The following ATP10B variants were observed in gnomAD, a reference collection of about 807,000 sequenced individuals.
The protein encoded by ATP10B is ATPase phospholipid transporting 10B (putative).
In ATP10B, 122 loss-of-function variants were observed where a neutral mutation model predicts 141.2. That is an observed-to-expected ratio of 0.86 (90% confidence interval 0.75 to 1.00). The LOEUF is 1.00. Ranked by LOEUF, ATP10B falls within the 50% of genes least tolerant of loss-of-function variation. The pLI is 0.00. For missense variants in ATP10B, 1,876 were observed against 1,825.3 expected, an observed-to-expected ratio of 1.03 and a Z score of -0.51; for synonymous variants, 685 against 692.0, an observed-to-expected ratio of 0.99 and a Z score of 0.16.
At chr5:160,726,180 G>A (rs571233775) in intron 2 of ATP10B, among the ~76,000 whole-genome samples, 5 of 152,122 alleles carry the variant, frequency 3.3e-5, no homozygotes, top group South Asian at 4.2e-4. Context: ...TGTCACTCTG[G>A]GGTGCTTTAG....
intron 18 of ATP10B, among the ~76,000 whole-genome samples, chr5:160,610,742 T>A (rs1306466555): frequency 6.6e-6 from 1 of 152,224 alleles, no homozygotes; most frequent in Non-Finnish European, 1.5e-5. Flanking sequence ...TTGTTAATTA[T>A]TAACAATATT....
intron 1 of ATP10B, among the ~76,000 whole-genome samples, chr5:160,846,930 T>C (rs1776159914): frequency 6.6e-6 from 1 of 152,184 alleles, no homozygotes; most frequent in South Asian, 2.1e-4. Context: ...TTATTGAGGC[T>C]TAAATGATCC....
chr5:160,634,523 C>T lies in ATP10B; in HGVS notation c.1212G>A (p.Leu404=). The T allele has an allele frequency of 1.2e-6, 2 of 1,614,170 alleles. No homozygotes were observed. The highest frequency in any genetic ancestry group is 1.7e-6 in the Non-Finnish European group (2 of 1,180,022). Residue 404 remains leucine (L), a synonymous_variant, in exon 12 of 26, where the codon CTG becomes CTA. Transcript: ENST00000327245. The part of the protein sequence containing the change: ...QVFFLSNDLD[L]YDEETDLSIQ... ...TGGATAAATCGGTCTCTTCATCATA[C>T]AGGTCAAGGTCATTGCTCAAGAAGA...
At chr5:160,576,741 T>C (rs1755215256) in intron 24 of ATP10B, among the ~76,000 whole-genome samples, 1 of 151,936 alleles carries the variant, frequency 6.6e-6, no homozygotes, top group African/African-American at 2.4e-5. Context: ...AAGAATAGGG[T>C]ATTTGAGAAC....
intron 22 of ATP10B, among the ~76,000 whole-genome samples, chr5:160,594,210 C>T (rs1756521447): frequency 6.6e-6 from 1 of 152,182 alleles, no homozygotes; most frequent in African/African-American, 2.4e-5. Flanking sequence ...CTCCACAAGC[C>T]AGAAGAGAGT....
intron 1 of ATP10B, among the ~76,000 whole-genome samples, chr5:160,812,813 T>G (rs934248958): frequency 1.3e-5 from 2 of 152,150 alleles, no homozygotes; most frequent in African/African-American, 4.8e-5. Context: ...TTAAAAGTGA[T>G]AGAGGAAGAG....
chr5:160,824,354 G>A (rs148129390), intron 1 of ATP10B, among the ~76,000 whole-genome samples: 27 of 152,260 alleles, frequency 1.8e-4, no homozygotes, highest in African/African-American at 6.5e-4. Context: ...GTTCCAGCAG[G>A]TACATGGGCA....
At chr5:160,821,196 C>CA (rs549603478) in intron 1 of ATP10B, among the ~76,000 whole-genome samples, 37 of 152,156 alleles carry the variant, frequency 2.4e-4, no homozygotes, top group South Asian at 1.9e-3. Flanking sequence ...ATACAATAAT[C>CA]AGTAGCATTT....
At chr5:160,589,533 G>T in intron 24 of ATP10B, 59 bp downstream of exon 24, 1 of 1,296,930 alleles carries the variant, frequency 7.7e-7, no homozygotes, top group South Asian at 1.2e-5. Flanking sequence ...TCAGAAATTT[G>T]AGTATAGTCA....
intron 2 of ATP10B, among the ~76,000 whole-genome samples, chr5:160,725,079 G>A (rs894431818): frequency 2.6e-5 from 4 of 152,056 alleles, no homozygotes; most frequent in Admixed American, 2.0e-4. Flanking sequence ...AATGAATTAC[G>A]GAAGAAGACC....
At chr5:160,603,807 G>T in intron 20 of ATP10B, 158 bp downstream of exon 20, 1 of 576,302 alleles carries the variant, frequency 1.7e-6, no homozygotes, top group Non-Finnish European at 3.1e-6. Context: ...TTTGCAAAAT[G>T]ATTTCAAATG....
rs567627406 is a variant in ATP10B, at chr5:160,612,777, C to T, written c.2802G>A (p.Gln934=). 20 of 1,613,926 alleles carry T rather than the reference C, an allele frequency of 1.2e-5. No individual in the cohort carries two copies. The East Asian group carries it at 2.9e-4, about 23-fold the overall frequency. The change falls in exon 18 of 26, where the codon CAG becomes CAA. Residue 934 remains glutamine, a synonymous_variant. Transcript: ENST00000327245. ...TATTGATGGTATAAACAGTGTCGGT[C>T]TGATTTAACAGTCTGCAGGAATGGG... ...NIAHSCRLLN[Q]TDTVYTINTE... is the part of the protein sequence containing the mutation.
intron 1 of ATP10B, among the ~76,000 whole-genome samples, chr5:160,851,613 C>T (rs975369770): frequency 6.6e-6 from 1 of 152,164 alleles, no homozygotes; most frequent in Non-Finnish European, 1.5e-5. Flanking sequence ...ACTCCATCTG[C>T]TTCCTCAGGC....
chr5:160,646,601 T>C (rs763202995), intron 8 of ATP10B, among the ~76,000 whole-genome samples: 3 of 152,198 alleles, frequency 2.0e-5, no homozygotes, highest in Non-Finnish European at 4.4e-5. Context: ...GGACCCACCA[T>C]TGCTCCTTCT....
Position 160,836,645 on chromosome 5 carries a change from A to G in ATP10B, c.-576+15296T>C, listed in dbSNP as rs1479115254. On this transcript the variant is annotated intron_variant, in intron 1 of 25. Transcript: ENST00000327245. Reference sequence around the variant, plus strand: ...ATCTTTGCTTCCTTAGCTTTTACCAACAAGGCAGTGAAATTATTTTTCTCC... The same window carrying G: ...ATCTTTGCTTCCTTAGCTTTTACCAGCAAGGCAGTGAAATTATTTTTCTCC... Among the ~76,000 whole-genome samples the G allele has an allele frequency of 2.0e-5, 3 of 152,254 alleles. No homozygotes were observed. The East Asian group carries it at 5.8e-4, about 29-fold the overall frequency.
At chr5:160,881,476 C>G in the ATP10B span, among the ~76,000 whole-genome samples, 282 of 152,294 alleles carry the variant, frequency 1.9e-3, no homozygotes, top group African/African-American at 6.6e-3. Context: ...TTTATCTATA[C>G]AAAAACCGGC....
At chr5:160,777,894 T>C (rs1429684721) in intron 2 of ATP10B, among the ~76,000 whole-genome samples, 1 of 152,180 alleles carries the variant, frequency 6.6e-6, no homozygotes, top group African/African-American at 2.4e-5. Context: ...GTAATGGTTG[T>C]GTATACTAAT....
chr5:160,716,942 A>G lies in ATP10B; in HGVS notation c.-238T>C. 2.0e-6 allele frequency: 2 copies of G among 985,474 alleles called. No homozygotes were observed. Among genetic ancestry groups the G allele is most frequent in the Non-Finnish European group, 2.4e-6 (2 of 829,934 alleles). The allele number at this position is 985,474 out of a possible 1,614,324, so 61.0% of individuals were successfully genotyped here. On this transcript the variant is annotated 5_prime_UTR_variant, in exon 3 of 26. Transcript: ENST00000327245. ...GGAGTCCCTTTAAGGAGGTTAGACC[A>G]GTGACCTTTGCTGTGCCCCTACAGC...
At chr5:160,594,671 T>C (rs1163833596) in intron 22 of ATP10B, among the ~76,000 whole-genome samples, 2 of 150,342 alleles carry the variant, frequency 1.3e-5, no homozygotes, top group Admixed American at 1.3e-4. Context: ...ACACATAGGT[T>C]CAAAATAAAA....
Sources: allele counts gnomAD v4.1 joint callset (sites outside exome capture counted in the v4.1 genomes callset), GRCh38; gene constraint gnomAD v4.1.1; transcripts MANE v1.5; gene names NCBI Gene and HGNC (gene_info 2026-07-23, HGNC 2026-07-21).